PRPF6: variants seen among roughly 807,000 people sequenced by gnomAD.
PRPF6 encodes pre-mRNA-processing factor 6.
In PRPF6, 42 loss-of-function variants were observed where a neutral mutation model predicts 118.3. That is an observed-to-expected ratio of 0.35 (90% CI 0.28 to 0.46). The LOEUF is 0.46. Among genes scored for constraint, PRPF6 ranks in the 20% least tolerant of loss-of-function variants. PRPF6 has a pLI of 1.00. For synonymous variants in PRPF6, 481 were observed against 485.1 expected (o/e 0.99, Z 0.11); for missense variants, 662 against 1,255.7 (o/e 0.53, Z 7.15).
chr20:63,993,604 A>G (rs2059128313), intron 4 of PRPF6, 119 bp downstream of exon 4: 4 of 797,544 alleles, frequency 5.0e-6, no homozygotes, highest in Non-Finnish European at 8.5e-6. Context: ...TTAGGGGGTC[A>G]TTGCTTAGAA....
At chr20:64,005,891 T>C (rs923633581) in intron 9 of PRPF6, among the ~76,000 whole-genome samples, 2 of 152,120 alleles carry the variant, frequency 1.3e-5, no homozygotes, top group African/African-American at 4.8e-5. Flanking sequence ...CATACCACCA[T>C]GCCTGGCTGA....
In PRPF6 at chr20:64,026,852, C is replaced by A; in HGVS notation, c.2029-130C>A. ...TATATTTATCCCCACCTTTTGTGTA[C>A]ACAAACAGGCTATGAAAAGCTTACA... is the stretch of plus-strand genomic sequence containing the variant. On this transcript the variant is annotated intron_variant, in intron 15 of 20. Transcript: ENST00000266079. The surrounding 1 kb of genome is among the most constrained non-coding windows in gnomAD (Gnocchi z 4.4). The A allele has an allele frequency of 1.0e-6, 1 of 960,224 alleles. No individual in the cohort carries two copies. The highest frequency in any genetic ancestry group is 1.6e-6 in the Non-Finnish European group (1 of 606,910). The allele number at this position is 960,224 out of a possible 1,614,324, so 59.5% of individuals were successfully genotyped here.
At chr20:64,032,583 C>G (rs1214443435) in intron 20 of PRPF6, among the ~76,000 whole-genome samples, 1 of 152,234 alleles carries the variant, frequency 6.6e-6, no homozygotes, top group Non-Finnish European at 1.5e-5. Context: ...TTGTGTGAGG[C>G]ACAGACATGG....
At chr20:63,990,686 C>T (rs1375223497) in intron 3 of PRPF6, among the ~76,000 whole-genome samples, 1 of 150,460 alleles carries the variant, frequency 6.6e-6, no homozygotes, top group African/African-American at 2.5e-5. Context: ...ACTCTATTGC[C>T]CAGGCTGGAG....
At chr20:63,999,816 G>T in intron 8 of PRPF6, 57 bp downstream of exon 8, 2 of 1,593,920 alleles carry the variant, frequency 1.3e-6, no homozygotes, top group Non-Finnish European at 1.7e-6. Context: ...GGCCCCTACG[G>T]GAGTAAACTT....
intron 1 of PRPF6, 44 bp downstream of exon 1, chr20:63,981,360 G>C (rs777770065): frequency 6.5e-7 from 1 of 1,532,172 alleles, no homozygotes; most frequent in African/African-American, 1.4e-5. Context: ...CCCGGCTACA[G>C]GAGCGCAGTG....
chr20:64,001,313 T>C (rs879130844), intron 9 of PRPF6, 74 bp downstream of exon 9: 1 of 1,554,012 alleles, frequency 6.4e-7, no homozygotes, highest in Non-Finnish European at 8.9e-7. Flanking sequence ...TGCTCCTGGC[T>C]CAGGCTTTTG....
At chr20:64,017,385 C>T (rs1023705321) in intron 12 of PRPF6, among the ~76,000 whole-genome samples, 1 of 149,810 alleles carries the variant, frequency 6.7e-6, no homozygotes, top group South Asian at 2.1e-4. Context: ...TCCCAGAGTG[C>T]TGGGATCACA....
chr20:63,990,473 CTT>C (rs534965927), intron 3 of PRPF6, among the ~76,000 whole-genome samples: 25 of 143,082 alleles, frequency 1.7e-4, no homozygotes, highest in Non-Finnish European at 1.8e-4. Context: ...TTGCATTTCA[CTT>C]TTTTTTTTTT....
Position 63,981,184 on chromosome 20 carries a change from G to T in PRPF6, c.-62G>T. On this transcript the variant is annotated 5_prime_UTR_variant, in exon 1 of 21. Transcript: ENST00000266079. Reference sequence around the variant, plus strand: ...TCGGACGTCGAAGCCTAGAGTCTCTGCGTCTTTCCCTCTTCCGCTGCCTCA... The same window carrying T: ...TCGGACGTCGAAGCCTAGAGTCTCTTCGTCTTTCCCTCTTCCGCTGCCTCA... 6.6e-7 allele frequency: 1 copy of T among 1,519,938 alleles called. No homozygotes were observed. Among genetic ancestry groups the T allele is most frequent in the Non-Finnish European group, 9.0e-7 (1 of 1,115,194 alleles). 94.2% of individuals were successfully genotyped at this position (1,519,938 alleles called of 1,614,324 possible). A position where few individuals can be genotyped will look rare whatever the true frequency, so the allele number is the denominator to read the frequency against.
intron 19 of PRPF6, among the ~76,000 whole-genome samples, chr20:64,030,483 C>A (rs373146503): frequency 6.6e-6 from 1 of 152,150 alleles, no homozygotes; most frequent in Non-Finnish European, 1.5e-5. Context: ...GTCTGGGTGC[C>A]GCCCCCACAG....
chr20:64,019,714 C>T (rs1212870054), intron 12 of PRPF6, among the ~76,000 whole-genome samples: 4 of 152,338 alleles, frequency 2.6e-5, no homozygotes, highest in East Asian at 1.9e-4. Context: ...TGACCCTCAC[C>T]GGCATCCTCC....
chr20:63,986,024 C>T (rs186986134), intron 3 of PRPF6, among the ~76,000 whole-genome samples: 1 of 152,216 alleles, frequency 6.6e-6, no homozygotes, highest in Non-Finnish European at 1.5e-5. Context: ...AAACCATATT[C>T]AACAACACAT....
rs2059293785 is a variant in PRPF6, at chr20:64,026,908, TTGAGGA to T, written c.2029-69_2029-64del. 4 of 1,502,702 alleles carry T rather than the reference TTGAGGA, an allele frequency of 2.7e-6. No homozygotes were observed. Among genetic ancestry groups the T allele is most frequent in the Non-Finnish European group, 3.7e-6 (4 of 1,080,598 alleles). The allele number at this position is 1,502,702 out of a possible 1,614,324, so 93.1% of individuals were successfully genotyped here. Reference sequence around the variant, plus strand: ...ACACACAGTACTGCAGGTAACAGTGTTGAGGATGAGTGTACCATGAAGCACGTACCC... The same window carrying T: ...ACACACAGTACTGCAGGTAACAGTGTTGAGTGTACCATGAAGCACGTACCC... On this transcript the variant is annotated intron_variant, in intron 15 of 20. Coordinates refer to ENST00000266079, the MANE Select transcript of PRPF6 (RefSeq NM_012469.4). The surrounding 1 kb of genome is among the most constrained non-coding windows in gnomAD (Gnocchi z 4.4).
chr20:64,002,528 G>A (rs1412322823), intron 9 of PRPF6, among the ~76,000 whole-genome samples: 1 of 151,284 alleles, frequency 6.6e-6, no homozygotes, highest in African/African-American at 2.4e-5. Context: ...TAGAGATGGG[G>A]TTTCCCCATG....
chr20:64,002,689 G>A (rs2059173276), intron 9 of PRPF6, among the ~76,000 whole-genome samples: 1 of 148,236 alleles, frequency 6.7e-6, no homozygotes, highest in Non-Finnish European at 1.5e-5. Flanking sequence ...TGTCCCCCAG[G>A]CTGGAGTGCA....
At chr20:64,023,455 G>A (rs951626565) in intron 13 of PRPF6, among the ~76,000 whole-genome samples, 2 of 152,180 alleles carry the variant, frequency 1.3e-5, no homozygotes, top group Non-Finnish European at 2.9e-5. Flanking sequence ...GTGTCCCCAC[G>A]CACCCTCTGT....
intron 11 of PRPF6, among the ~76,000 whole-genome samples, chr20:64,016,123 CTT>C (rs756499334): frequency 2.1e-5 from 3 of 142,058 alleles, no homozygotes; most frequent in East Asian, 2.0e-4. Context: ...GACTCTCTCT[CTT>C]TTTTTTTTTT....
In PRPF6 at chr20:64,026,004, C is replaced by T. The variant is rs11553191; in HGVS notation, c.1974C>T (p.Tyr658=). The T allele has an allele frequency of 9.8e-5, 158 of 1,612,360 alleles. No individual in the cohort carries two copies. Among genetic ancestry groups the T allele is most frequent in the Non-Finnish European group, 1.3e-4 (150 of 1,180,012 alleles). The change falls in exon 15 of 21, where the codon TAC becomes TAT. Residue 658 remains tyrosine, a synonymous_variant. Coordinates refer to ENST00000266079, the MANE Select transcript of PRPF6 (RefSeq NM_012469.4). The surrounding 1 kb of genome is among the most constrained non-coding windows in gnomAD (Gnocchi z 4.4). Reference sequence around the variant, plus strand: ...AGCTGGAGTCCGAGAATGATGAGTACGAGCGGGCCCGGAGGCTGCTGGCCA... The same window carrying T: ...AGCTGGAGTCCGAGAATGATGAGTATGAGCGGGCCCGGAGGCTGCTGGCCA... ...AVKLESENDE[Y]ERARRLLAKA... is the part of the protein sequence containing the mutation.
Sources: gnomAD v4.1 joint callset for allele counts (sites outside exome capture counted in the v4.1 genomes callset) on GRCh38, gnomAD v4.1.1 for gene constraint, Gnocchi (gnomAD v3.1) non-coding constraint, MANE v1.5 for transcripts, NCBI Gene and HGNC (gene_info 2026-07-23, HGNC 2026-07-21) for gene names.